The following TXLNB variants were observed in gnomAD, a reference collection of about 807,000 sequenced individuals.
TXLNB encodes the protein beta-taxilin.
A neutral mutation model predicts 57.4 loss-of-function variants in TXLNB; 37 were observed. That is an observed-to-expected ratio of 0.64 (90% CI 0.50 to 0.85). The LOEUF is 0.85. Among genes scored for constraint, TXLNB ranks in the 40% least tolerant of loss-of-function variants. The probability of loss-of-function intolerance (pLI) is 0.00; values close to 1 mark genes in which losing one functional copy is unlikely to be tolerated. For synonymous variants in TXLNB, 302 were observed against 309.6 expected, an observed-to-expected ratio of 0.98 and a Z score of 0.26; for missense variants, 848 against 825.6, an observed-to-expected ratio of 1.03 and a Z score of -0.33.
At chr6:139,178,373 T>TC in the TXLNB span, 3 of 152,134 alleles carry the variant, frequency 2.0e-5, no homozygotes, top group African/African-American at 7.2e-5. Context: ...ATATGATTTC[T>TC]CAAAAATTAA....
At chr6:139,209,631 C>A in the TXLNB span, among the ~76,000 whole-genome samples, 2 of 152,114 alleles carry the variant, frequency 1.3e-5, no homozygotes, top group African/African-American at 2.4e-5. Flanking sequence ...ATACCCTATT[C>A]AATAAAAGGT....
At chr6:139,226,255 TC>T in the TXLNB span, among the ~76,000 whole-genome samples, 1 of 117,092 alleles carries the variant, frequency 8.5e-6, no homozygotes, top group Non-Finnish European at 1.6e-5. Flanking sequence ...CTGAGATTGC[TC>T]CACGCCACTG....
the TXLNB span, among the ~76,000 whole-genome samples, chr6:139,314,608 G>A: frequency 6.6e-6 from 1 of 152,066 alleles, no homozygotes; most frequent in Non-Finnish European, 1.5e-5. Flanking sequence ...CTGTGCCTTG[G>A]GCCTTGGTCA....
chr6:139,260,215 G>T, intron 6 of TXLNB, 103 bp downstream of exon 6: 1 of 1,335,050 alleles, frequency 7.5e-7, no homozygotes. Context: ...ACGAGACTCT[G>T]TCTCAAATAA....
chr6:139,233,899 A>G, the TXLNB span, among the ~76,000 whole-genome samples: 1 of 152,166 alleles, frequency 6.6e-6, no homozygotes, highest in Non-Finnish European at 1.5e-5. Flanking sequence ...AGATGTGGGA[A>G]AGTTTGGAAT....
At chr6:139,191,540 A>G in the TXLNB span, among the ~76,000 whole-genome samples, 1 of 152,250 alleles carries the variant, frequency 6.6e-6, no homozygotes. Context: ...CAACGTTTCA[A>G]TTACTAGAGA....
At chr6:139,239,094 C>T (rs1345840005), downstream of TXLNB, 1 of 152,220 alleles carries the variant, frequency 6.6e-6, no homozygotes, top group African/African-American at 2.4e-5. This position sits in a 1 kb window ranked among gnomAD's most constrained non-coding sequence, Gnocchi z 4.7. Context: ...ACCTTTTCTC[C>T]CTTCTTAGCT....
chr6:139,217,550 T>C, the TXLNB span, among the ~76,000 whole-genome samples: 9 of 152,160 alleles, frequency 5.9e-5, no homozygotes, highest in African/African-American at 1.9e-4. Context: ...GCTTCACATA[T>C]AATTTTCACA....
chr6:139,170,135 A>T, the TXLNB span: 1 of 152,188 alleles, frequency 6.6e-6, no homozygotes, highest in Non-Finnish European at 1.5e-5. Context: ...GTGGATGGAA[A>T]CACCTTTATT....
chr6:139,230,176 A>C, the TXLNB span, among the ~76,000 whole-genome samples: 2 of 152,188 alleles, frequency 1.3e-5, no homozygotes. Context: ...GTTTTCTAAT[A>C]ATGGGCAAGG....
chr6:139,285,947 C>T (rs73560764), intron 2 of TXLNB, among the ~76,000 whole-genome samples: 7,142 of 144,992 alleles, frequency 0.049, 1,171 homozygotes, highest in African/African-American at 0.17. Context: ...CTATCAGTTT[C>T]GAAAATACCA....
At chr6:139,247,962 G>A in intron 7 of TXLNB, 53 bp from the exon 8 acceptor site, 2 of 1,065,386 alleles carry the variant, frequency 1.9e-6, no homozygotes, top group Non-Finnish European at 2.8e-6. Context: ...AAGAAAACAT[G>A]TCATTGTTCA....
intron 5 of TXLNB, among the ~76,000 whole-genome samples, chr6:139,260,755 G>C (rs942206174): frequency 6.6e-6 from 1 of 152,196 alleles, no homozygotes; most frequent in South Asian, 2.1e-4. Flanking sequence ...TATTATGCTA[G>C]ACAGCACAGA....
In TXLNB at chr6:139,242,407, T is replaced by A; in HGVS notation, c.*119A>T. ...GTGTTCTGCCTAACATTAAAAAATG[T>A]CTTGATCCTAAGTCTCTTCCATTTG... On this transcript the variant is annotated 3_prime_UTR_variant, in exon 10 of 10. Coordinates refer to ENST00000358430, the MANE Select transcript of TXLNB (RefSeq NM_153235.4). The A allele has an allele frequency of 1.3e-6, 1 of 793,994 alleles. No individual in the cohort carries two copies. The highest frequency in any genetic ancestry group is 1.8e-6 in the Non-Finnish European group (1 of 560,514). The allele number at this position is 793,994 out of a possible 1,614,324, so 49.2% of individuals were successfully genotyped here. A position where few individuals can be genotyped will look rare whatever the true frequency, so the allele number is the denominator to read the frequency against.
intron 4 of TXLNB, among the ~76,000 whole-genome samples, chr6:139,266,136 A>G (rs1776609534): frequency 6.6e-6 from 1 of 152,230 alleles, no homozygotes; most frequent in Non-Finnish European, 1.5e-5. Flanking sequence ...TTCATCATAT[A>G]GTAGAATCCA....
At chr6:139,313,140 T>C in the TXLNB span, among the ~76,000 whole-genome samples, 1 of 151,970 alleles carries the variant, frequency 6.6e-6, no homozygotes, top group Non-Finnish European at 1.5e-5. Flanking sequence ...TGGCGCGATC[T>C]CGGCTCGCTG....
chr6:139,226,332 TAGAG>T, the TXLNB span, among the ~76,000 whole-genome samples: 228 of 124,414 alleles, frequency 1.8e-3, no homozygotes, highest in African/African-American at 3.0e-3. Context: ...AAAAAAGAGA[TAGAG>T]AGAGAGAGAA....
At chr6:139,217,762 G>T in the TXLNB span, among the ~76,000 whole-genome samples, 1 of 151,506 alleles carries the variant, frequency 6.6e-6, no homozygotes, top group African/African-American at 2.4e-5. Context: ...CCAGCTACTC[G>T]GGTGGCTGAG....
the TXLNB span, among the ~76,000 whole-genome samples, chr6:139,201,067 T>C: frequency 0.05 from 7,648 of 152,328 alleles, 211 homozygotes; most frequent in African/African-American, 0.063. Flanking sequence ...CCAACCCCTC[T>C]TCCTCATTCA....
Sources: allele counts gnomAD v4.1 joint callset (sites outside exome capture counted in the v4.1 genomes callset), GRCh38; gene constraint gnomAD v4.1.1; non-coding constraint Gnocchi (gnomAD v3.1); transcripts MANE v1.5; gene names NCBI Gene and HGNC (gene_info 2026-07-23, HGNC 2026-07-21).